EYA1: variants seen among roughly 807,000 people sequenced by gnomAD.
EYA1 encodes the protein EYA transcriptional coactivator and phosphatase 1.
EYA1 carries 16 observed loss-of-function variants against 82.0 expected under a neutral mutation model. The observed-to-expected ratio is 0.20, with a 90% confidence interval of 0.13 to 0.30. The LOEUF (loss-of-function observed/expected upper bound fraction) is 0.30, where lower values mean the gene tolerates loss of function less well. Ranked by LOEUF, EYA1 falls within the 10% of genes least tolerant of loss-of-function variation. The pLI is 1.00. For missense variants in EYA1, 633 were observed against 730.7 expected, an observed-to-expected ratio of 0.87 and a Z score of 1.54; for synonymous variants, 261 against 264.4, an observed-to-expected ratio of 0.99 and a Z score of 0.12.
intron 2 of EYA1, among the ~76,000 whole-genome samples, chr8:71,456,696 T>C (rs2129185286): frequency 6.6e-6 from 1 of 152,294 alleles, no homozygotes; most frequent in Non-Finnish European, 1.5e-5. Context: ...CTGGGAAAAC[T>C]GGCTAGCCAT....
At chr8:71,365,441 AAATAT>A (rs1047046410), upstream of EYA1, among the ~76,000 whole-genome samples, 1 of 152,166 alleles carries the variant, frequency 6.6e-6, no homozygotes, top group Non-Finnish European at 1.5e-5. Context: ...GTAAGTTGCA[AAATAT>A]AATCAGCACT....
At chr8:71,265,157 T>A (rs1262026026) in intron 11 of EYA1, among the ~76,000 whole-genome samples, 1 of 147,742 alleles carries the variant, frequency 6.8e-6, no homozygotes, top group African/African-American at 2.6e-5. Flanking sequence ...CAAGTTTTTG[T>A]TTTTGTTTTG....
At chr8:71,404,146 T>C (rs1830095673) in intron 2 of EYA1, 1 of 152,200 alleles carries the variant, frequency 6.6e-6, no homozygotes, top group Non-Finnish European at 1.5e-5. Context: ...CTTAGGAGTA[T>C]TTTGTGTTTA....
At chr8:71,224,420 C>G (rs2128870923) in intron 12 of EYA1, among the ~76,000 whole-genome samples, 1 of 152,336 alleles carries the variant, frequency 6.6e-6, no homozygotes, top group East Asian at 1.9e-4. Context: ...CCAGCTGGAG[C>G]TGGCCAAGGC....
intron 2 of EYA1, among the ~76,000 whole-genome samples, chr8:71,513,954 A>C (rs1332256080): frequency 2.0e-5 from 3 of 152,068 alleles, no homozygotes; most frequent in Non-Finnish European, 2.9e-5. Context: ...TTGCAACATG[A>C]CAAGATCTCT....
Position 71,284,320 on chromosome 8 carries a change from C to G in EYA1, c.827-12423G>C, listed in dbSNP as rs1818144874. Among the ~76,000 whole-genome samples, 14 of 152,356 alleles carry G rather than the reference C, an allele frequency of 9.2e-5. No homozygotes were observed. In the South Asian group the frequency reaches 2.7e-3, roughly 29 times the overall value. ...TAACCCACCTGCAGAGAAGCTGAAT[C>G]TTGCACATTCTGGTACATCTGCATA... On this transcript the variant is annotated intron_variant, in intron 9 of 17. Coordinates refer to ENST00000340726, the MANE Select transcript of EYA1 (RefSeq NM_000503.6).
At chr8:71,301,747 C>T (rs1445987518) in intron 7 of EYA1, among the ~76,000 whole-genome samples, 3 of 152,110 alleles carry the variant, frequency 2.0e-5, no homozygotes, top group African/African-American at 7.2e-5. Flanking sequence ...CCACAATTAG[C>T]CATCAATAGA....
At position 71,424,347 on chromosome 8, in the gene EYA1, A is replaced by G. The variant is rs1383531591; in HGVS notation, c.34-67836T>C. 2.6e-5 allele frequency among the ~76,000 whole-genome samples: 4 copies of G among 152,256 alleles called. No homozygotes were observed. In the East Asian group the frequency reaches 7.7e-4, roughly 29 times the overall value. On this transcript the variant is annotated intron_variant, in intron 2 of 18. Coordinates refer to the EYA1 transcript ENST00000643681. The stretch of plus-strand genomic sequence containing the variant: ...ATGATTCAAATGGTAATGAGAGTGT[A>G]TAAAGTATGTAAGAAAATAGGCATG...
intron 15 of EYA1, 38 bp from the exon 16 acceptor site, chr8:71,215,546 T>G: frequency 6.2e-7 from 1 of 1,612,622 alleles, no homozygotes; most frequent in Non-Finnish European, 8.5e-7. Flanking sequence ...TGTTGAAAAA[T>G]AAATCTCCAA....
intron 1 of EYA1, among the ~76,000 whole-genome samples, 168 bp downstream of exon 1, chr8:71,361,479 G>T (rs1827369864): frequency 6.6e-6 from 1 of 152,192 alleles, no homozygotes; most frequent in African/African-American, 2.4e-5. Flanking sequence ...AAACCCTGTG[G>T]CTCATAAAGT....
At chr8:71,298,951 A>G in intron 9 of EYA1, 96 bp downstream of exon 9, 4 of 1,271,084 alleles carry the variant, frequency 3.1e-6, no homozygotes, top group Non-Finnish European at 3.4e-6. Flanking sequence ...AAGCTGCCAA[A>G]ATTGTGCAAC....
chr8:71,260,472 T>C lies in EYA1; in HGVS notation c.1050+9268A>G, dbSNP rs527425075. Among the ~76,000 whole-genome samples the C allele has an allele frequency of 3.3e-5, 5 of 152,314 alleles. No individual in the cohort carries two copies. In the South Asian group the frequency reaches 8.3e-4, roughly 25 times the overall value. On this transcript the variant is annotated intron_variant, in intron 11 of 17. Transcript: ENST00000340726. ...TCTCCTCTCTGAATATGTACCTACT[T>C]ATATCCATGAGATGATACTCTACAC...
At chr8:71,356,220 A>G (rs1826861486) in intron 2 of EYA1, among the ~76,000 whole-genome samples, 1 of 152,186 alleles carries the variant, frequency 6.6e-6, no homozygotes, top group African/African-American at 2.4e-5. Flanking sequence ...CCTGATTCTC[A>G]TTACACATTC....
At chr8:71,545,501 T>G (rs897931641) in intron 1 of EYA1, among the ~76,000 whole-genome samples, 7 of 151,996 alleles carry the variant, frequency 4.6e-5, no homozygotes, top group Admixed American at 1.3e-4. Flanking sequence ...CATCTCGACT[T>G]TTTTATAGGC....
chr8:71,411,799 A>C (rs1325347475), intron 2 of EYA1, among the ~76,000 whole-genome samples: 1 of 146,010 alleles, frequency 6.8e-6, no homozygotes, highest in Non-Finnish European at 1.5e-5. Flanking sequence ...AACTAGTTCA[A>C]CCATTGTGGA....
At chr8:71,254,161 G>T (rs1369172698) in intron 11 of EYA1, among the ~76,000 whole-genome samples, 1 of 146,220 alleles carries the variant, frequency 6.8e-6, no homozygotes, top group Non-Finnish European at 1.5e-5. Context: ...GACTGCTGAA[G>T]GAGCTTCTCC....
At chr8:71,322,042 A>G (rs1822619537) in intron 5 of EYA1, 157 bp downstream of exon 5, 2 of 1,102,428 alleles carry the variant, frequency 1.8e-6, no homozygotes, top group Non-Finnish European at 1.4e-6. Flanking sequence ...TCTCCACTAC[A>G]TGATGCTCAA....
In EYA1 at chr8:71,269,835, G is replaced by A; in HGVS notation, c.967-12C>T. 6 of 1,607,930 alleles carry A rather than the reference G, an allele frequency of 3.7e-6. No individual in the cohort carries two copies. Among genetic ancestry groups the A allele is most frequent in the Non-Finnish European group, 5.1e-6 (6 of 1,174,518 alleles). ...CAGATGAACACTCTCTACAAAGGAA[G>A]AACCAAATCAATGTGTCTTTGCCTT... On this transcript the variant is annotated splice_polypyrimidine_tract_variant and intron_variant, in intron 10 of 17. Transcript: ENST00000340726.
At chr8:71,430,572 T>C (rs1805542716) in intron 2 of EYA1, among the ~76,000 whole-genome samples, 1 of 152,312 alleles carries the variant, frequency 6.6e-6, no homozygotes, top group South Asian at 2.1e-4. Flanking sequence ...GCATCATCAC[T>C]TCTGGTCTGG....
Sources: gnomAD v4.1 joint callset for allele counts (sites outside exome capture counted in the v4.1 genomes callset) on GRCh38, gnomAD v4.1.1 for gene constraint, MANE v1.5 for transcripts, NCBI Gene and HGNC (gene_info 2026-07-23, HGNC 2026-07-21) for gene names.